Variants in CSMD1 observed in about 807,000 individuals in gnomAD.
CSMD1 encodes CUB and sushi domain-containing protein 1.
Under a neutral mutation model 417.5 loss-of-function variants are expected in CSMD1, and 213 were observed. The ratio of observed to expected loss-of-function variants is 0.51; its 90% CI spans 0.46 to 0.57. The LOEUF is 0.57. CSMD1 is among the 20% of genes least tolerant of loss of function. The pLI is 0.00. For missense variants in CSMD1, 6,923 were observed against 4,529.7 expected (o/e 1.53, Z -15.17); for synonymous variants, 2,862 against 1,736.8 (o/e 1.65, Z -16.11).
At chr8:3,790,290 T>A (rs1799663351) in intron 5 of CSMD1, among the ~76,000 whole-genome samples, 1 of 152,138 alleles carries the variant, frequency 6.6e-6, no homozygotes, top group African/African-American at 2.4e-5. Flanking sequence ...CAAGATGAAG[T>A]AAGTCATGTG....
chr8:4,185,961 A>C (rs1038442927), intron 3 of CSMD1, among the ~76,000 whole-genome samples: 1 of 152,130 alleles, frequency 6.6e-6, no homozygotes, highest in African/African-American at 2.4e-5. Context: ...TCTACGGTGG[A>C]ATACAGAAAT....
chr8:3,749,229 C>A (rs955464492), intron 6 of CSMD1, among the ~76,000 whole-genome samples: 6 of 152,224 alleles, frequency 3.9e-5, no homozygotes, highest in African/African-American at 1.4e-4. Flanking sequence ...CAATTTTCAG[C>A]TGATTTAAAG....
At chr8:3,647,343 CAGAG>C (rs901727378) in intron 7 of CSMD1, among the ~76,000 whole-genome samples, 1 of 151,526 alleles carries the variant, frequency 6.6e-6, no homozygotes, top group Non-Finnish European at 1.5e-5. Flanking sequence ...GTAAATATGG[CAGAG>C]AGAGAAATAT....
At chr8:3,353,865 A>G (rs1279873355) in intron 21 of CSMD1, among the ~76,000 whole-genome samples, 1 of 152,216 alleles carries the variant, frequency 6.6e-6, no homozygotes, top group African/African-American at 2.4e-5. Flanking sequence ...GAATGAAACT[A>G]ATTAAAATGA....
At chr8:4,774,506 A>G (rs997028935) in intron 1 of CSMD1, among the ~76,000 whole-genome samples, 1 of 152,218 alleles carries the variant, frequency 6.6e-6, no homozygotes, top group Admixed American at 6.5e-5. Context: ...TAGGAAATAA[A>G]GTACTTTATA....
At chr8:4,175,466 C>A (rs1189563007) in intron 3 of CSMD1, among the ~76,000 whole-genome samples, 3 of 152,124 alleles carry the variant, frequency 2.0e-5, no homozygotes, top group Admixed American at 2.0e-4. Flanking sequence ...ATAGCAAAAG[C>A]ATCCAAAATT....
At chr8:3,591,085 T>C (rs181383757) in intron 8 of CSMD1, among the ~76,000 whole-genome samples, 1 of 152,314 alleles carries the variant, frequency 6.6e-6, no homozygotes, top group Admixed American at 6.5e-5. Flanking sequence ...CCGCCCTAGA[T>C]TAATTACGTT....
intron 10 of CSMD1, among the ~76,000 whole-genome samples, chr8:3,547,384 T>G (rs1287197211): frequency 6.6e-6 from 1 of 152,208 alleles, no homozygotes; most frequent in African/African-American, 2.4e-5. Context: ...GTTTCCACAC[T>G]GAAGAGGTAA....
At chr8:2,967,581 C>T (rs1162373193) in intron 57 of CSMD1, among the ~76,000 whole-genome samples, 1 of 151,944 alleles carries the variant, frequency 6.6e-6, no homozygotes, top group African/African-American at 2.4e-5. Flanking sequence ...AAGATTGCTA[C>T]ATTTTCTCCT....
At chr8:3,853,362 G>A (rs544906295) in intron 5 of CSMD1, among the ~76,000 whole-genome samples, 2 of 152,012 alleles carry the variant, frequency 1.3e-5, no homozygotes, top group African/African-American at 2.4e-5. Context: ...ACTTTAAAAA[G>A]GTATTGTTAT....
chr8:4,415,963 G>C (rs994794962), intron 3 of CSMD1, among the ~76,000 whole-genome samples: 3 of 152,028 alleles, frequency 2.0e-5, no homozygotes, highest in Non-Finnish European at 4.4e-5. Flanking sequence ...TGGGATCTCG[G>C]GAAACTAAAG....
At position 3,493,637 on chromosome 8, in the gene CSMD1, T is replaced by C. The variant is rs1362869906; in HGVS notation, c.1434A>G (p.Arg478=). The part of the protein sequence containing the change: ...VGDAGKVGDT[R]SVLYVLTGSS... Reference sequence around the variant, plus strand: ...GACATACTCACACGTACAAGACCGATCTGGTGTCTCCCACCTTCCCAGCAT... The same window carrying C: ...GACATACTCACACGTACAAGACCGACCTGGTGTCTCCCACCTTCCCAGCAT... Residue 478 remains arginine, a synonymous_variant, in exon 11 of 70, where the codon AGA becomes AGG. Transcript: ENST00000635120. The C allele has an allele frequency of 1.2e-6, 2 of 1,610,358 alleles. No individual in the cohort carries two copies. Among genetic ancestry groups the C allele is most frequent in the Non-Finnish European group, 8.5e-7 (1 of 1,178,430 alleles).
At chr8:3,427,871 T>C (rs1334978632) in intron 12 of CSMD1, among the ~76,000 whole-genome samples, 1 of 152,226 alleles carries the variant, frequency 6.6e-6, no homozygotes, top group African/African-American at 2.4e-5. Flanking sequence ...TTACTGTCAA[T>C]GTGTAATGTT....
At chr8:4,157,801 G>A (rs548661888) in intron 3 of CSMD1, among the ~76,000 whole-genome samples, 10 of 152,264 alleles carry the variant, frequency 6.6e-5, no homozygotes, top group Admixed American at 1.3e-4. Context: ...CTTGCCCAGG[G>A]CCTTGGTCCA....
At chr8:3,831,751 G>A (rs1430458635) in intron 5 of CSMD1, among the ~76,000 whole-genome samples, 1 of 152,132 alleles carries the variant, frequency 6.6e-6, no homozygotes, top group Non-Finnish European at 1.5e-5. Context: ...GTTCTCGGAT[G>A]GGTAGCACAA....
rs182203777 is a variant in CSMD1 at position 3,766,938 on chromosome 8, C to T, written c.819-12896G>A. On this transcript the variant is annotated intron_variant, in intron 5 of 69. Coordinates refer to ENST00000635120, the MANE Select transcript of CSMD1 (RefSeq NM_033225.6). ...CTGGTAAGATATCCAACGAGTCCGA[C>T]GGCAACAGATGCAGCACGGCTAATG... Among the ~76,000 whole-genome samples the T allele has an allele frequency of 3.3e-3, 499 of 152,244 alleles. 2 individuals are homozygous for T. Among genetic ancestry groups the T allele is most frequent in the African/African-American group, 0.011 (470 of 41,542 alleles).
At chr8:4,063,126 T>C (rs1176066009) in intron 3 of CSMD1, among the ~76,000 whole-genome samples, 1 of 152,148 alleles carries the variant, frequency 6.6e-6, no homozygotes, top group Non-Finnish European at 1.5e-5. Context: ...TAATAATTTA[T>C]TGTGTATTTC....
chr8:3,437,120 G>C (rs1814615501), intron 12 of CSMD1, among the ~76,000 whole-genome samples: 1 of 152,098 alleles, frequency 6.6e-6, no homozygotes. Flanking sequence ...TTCTTTGCTT[G>C]ATCCTCCTGG....
intron 7 of CSMD1, among the ~76,000 whole-genome samples, chr8:3,624,193 T>G (rs1216813376): frequency 6.6e-6 from 1 of 152,210 alleles, no homozygotes; most frequent in Non-Finnish European, 1.5e-5. Flanking sequence ...TTTTCATTTA[T>G]ATTCCCAACC....
Sources: gnomAD v4.1 joint callset for allele counts (sites outside exome capture counted in the v4.1 genomes callset) on GRCh38, gnomAD v4.1.1 for gene constraint, MANE v1.5 for transcripts, NCBI Gene and HGNC (gene_info 2026-07-23, HGNC 2026-07-21) for gene names.